Variants in CELF1 observed in about 807,000 individuals in gnomAD.
CELF1 encodes the protein 50 kDa nuclear polyadenylated RNA-binding protein.
CELF1 carries 10 observed loss-of-function variants against 61.8 expected under a neutral mutation model. The ratio of observed to expected loss-of-function variants is 0.16; its 90% CI spans 0.10 to 0.27. The LOEUF (loss-of-function observed/expected upper bound fraction) is 0.27, where lower values mean the gene tolerates loss of function less well. Ranked by LOEUF, CELF1 falls within the 10% of genes least tolerant of loss-of-function variation. The pLI is 1.00. For missense variants in CELF1, 380 were observed against 639.1 expected (o/e 0.59, Z 4.37); for synonymous variants, 236 against 225.1 (o/e 1.05, Z -0.43).
intron 1 of CELF1, among the ~76,000 whole-genome samples, chr11:47,511,585 C>T (rs758037146): frequency 1.1e-4 from 17 of 152,138 alleles, no homozygotes; most frequent in Admixed American, 1.3e-4. Context: ...AATGTCTAGA[C>T]ATTTGTAAAG....
At chr11:47,535,078 C>G (rs2096594677) in intron 1 of CELF1, among the ~76,000 whole-genome samples, 1 of 152,002 alleles carries the variant, frequency 6.6e-6, no homozygotes, top group South Asian at 2.1e-4. Flanking sequence ...CAAACTTATA[C>G]CAGACAAATG....
At chr11:47,552,584 C>T (rs1352742305) in intron 1 of CELF1, among the ~76,000 whole-genome samples, 2 of 152,306 alleles carry the variant, frequency 1.3e-5, no homozygotes, top group East Asian at 1.9e-4. Context: ...ACACGTGAGA[C>T]GACAGGGGCA....
rs144616048 is a variant in CELF1, at chr11:47,479,109, T to C, written c.769-157A>G. Among the ~76,000 whole-genome samples the C allele has an allele frequency of 3.4e-3, 514 of 151,880 alleles. 9 individuals are homozygous for C. The highest frequency in any genetic ancestry group is 0.021 in the East Asian group (108 of 5,164). ...AGCCAACACAACAGAAACATGAGGC[T>C]TATGACAGCACAGGACAAAAAAAAA... On this transcript the variant is annotated intron_variant, in intron 9 of 14. Coordinates refer to ENST00000687097, the MANE Select transcript of CELF1 (RefSeq NM_001376376.1).
chr11:47,489,960 C>CGG (rs1310116354), intron 3 of CELF1, among the ~76,000 whole-genome samples: 11 of 6,236 alleles, frequency 1.8e-3, no homozygotes, highest in Non-Finnish European at 3.2e-3. Flanking sequence ...TTTTTTGAGA[C>CGG]GGAATTTCAC....
Position 47,471,059 on chromosome 11 carries a change from C to T in CELF1, c.*1171G>A, listed in dbSNP as rs1357467789. 1 of 152,140 alleles carries T rather than the reference C, an allele frequency of 6.6e-6. No individual in the cohort carries two copies. The highest frequency in any genetic ancestry group is 1.5e-5 in the Non-Finnish European group (1 of 68,040). 9.4% of individuals were successfully genotyped at this position (152,140 alleles called of 1,614,324 possible). The stretch of plus-strand genomic sequence containing the variant: ...TGGTTACAGGAGGGGCCTGCCAGAC[C>T]CCTGTGGGAATACTACATCTGGGAC... On this transcript the variant is annotated 3_prime_UTR_variant, in exon 15 of 15. Coordinates refer to ENST00000687097, the MANE Select transcript of CELF1 (RefSeq NM_001376376.1).
chr11:47,481,850 T>C (rs936657453), intron 9 of CELF1, among the ~76,000 whole-genome samples: 2 of 152,244 alleles, frequency 1.3e-5, no homozygotes, highest in Non-Finnish European at 2.9e-5. Context: ...GAAGTCTATT[T>C]ACAATGTAGT....
At chr11:47,545,997 G>A (rs1355197409) in intron 1 of CELF1, among the ~76,000 whole-genome samples, 2 of 150,186 alleles carry the variant, frequency 1.3e-5, no homozygotes, top group Admixed American at 6.7e-5. Context: ...TGCAAGCTCC[G>A]CCTCCCGGGT....
intron 1 of CELF1, among the ~76,000 whole-genome samples, chr11:47,504,902 C>CAAAAAAAAAAAAA (rs374401044): frequency 9.3e-6 from 1 of 107,932 alleles, no homozygotes; most frequent in African/African-American, 3.6e-5. Flanking sequence ...ACTCTGTCAC[C>CAAAAAAAAAAAAA]AAAAAAAAAA....
intron 1 of CELF1, among the ~76,000 whole-genome samples, chr11:47,539,922 T>C (rs761107298): frequency 1.3e-5 from 2 of 152,268 alleles, no homozygotes; most frequent in Non-Finnish European, 2.9e-5. Flanking sequence ...TCTGATTTTA[T>C]GTCCTGAGTT....
chr11:47,553,008 G>C lies in CELF1; in HGVS notation c.-170C>G. On this transcript the variant is annotated 5_prime_UTR_variant, in exon 1 of 15. Coordinates refer to ENST00000687097, the MANE Select transcript of CELF1 (RefSeq NM_001376376.1). ...AGCACTCACCAGCGGCTGCACCTGA[G>C]CCTGCCGCTGCCTCAGTTGCTGCCT... The C allele has an allele frequency of 2.5e-6, 1 of 395,540 alleles. No individual in the cohort carries two copies. 24.5% of individuals were successfully genotyped at this position (395,540 alleles called of 1,614,324 possible).
In CELF1 at chr11:47,472,179, T is replaced by G; in HGVS notation, c.*51A>C. 1 of 1,604,164 alleles carries G rather than the reference T, an allele frequency of 6.2e-7. No homozygotes were observed. Among genetic ancestry groups the G allele is most frequent in the Non-Finnish European group, 8.5e-7 (1 of 1,173,370 alleles). ...GGCTTCGAATCATTAAGGGTGCTCC[T>G]CCCCCACTTACCAGAAGACCCTCTC... On this transcript the variant is annotated 3_prime_UTR_variant, in exon 15 of 15. Transcript: ENST00000687097.
chr11:47,509,650 G>A (rs1206477287), intron 1 of CELF1, among the ~76,000 whole-genome samples: 1 of 152,142 alleles, frequency 6.6e-6, no homozygotes, highest in Non-Finnish European at 1.5e-5. Context: ...CAGCACTTTG[G>A]GAGGCCGAGG....
At position 47,482,848 on chromosome 11, in the gene CELF1, T is replaced by C. The variant is rs371730601; in HGVS notation, c.615A>G (p.Ser205=). The C allele has an allele frequency of 3.1e-6, 5 of 1,613,636 alleles. No individual in the cohort carries two copies. The highest frequency in any genetic ancestry group is 4.2e-6 in the Non-Finnish European group (5 of 1,179,840). The change falls in exon 9 of 15, where the codon TCA becomes TCG. Residue 205 remains serine (S), a synonymous_variant. Coordinates refer to ENST00000687097, the MANE Select transcript of CELF1 (RefSeq NM_001376376.1). ...CAGCAAATTTTACCACCATGGGTGA[T>C]GAGCAACCCTGTGAAAAGACCATAA... is the stretch of plus-strand genomic sequence containing the variant. ...MHQAQTMEGC[S]SPMVVKFADT... is the part of the protein sequence containing the mutation.
At chr11:47,547,026 C>T (rs936448846) in intron 1 of CELF1, among the ~76,000 whole-genome samples, 4 of 112,768 alleles carry the variant, frequency 3.5e-5, no homozygotes, top group Non-Finnish European at 6.6e-5. Context: ...AAGATCATGC[C>T]ATTACTTTAG....
intron 2 of CELF1, 128 bp from the exon 3 acceptor site, chr11:47,499,732 C>T: frequency 3.5e-6 from 2 of 568,410 alleles, no homozygotes; most frequent in South Asian, 4.2e-5. Flanking sequence ...GGGATGTGAC[C>T]ATGTGAAGGG....
At chr11:47,552,244 A>AC (rs1200194306) in intron 1 of CELF1, among the ~76,000 whole-genome samples, 1 of 152,190 alleles carries the variant, frequency 6.6e-6, no homozygotes, top group Non-Finnish European at 1.5e-5. Context: ...ATGAGCCTAA[A>AC]CCAATGAGAA....
chr11:47,560,740 A>G (rs2097222367), intron 2 of CELF1, among the ~76,000 whole-genome samples: 1 of 152,248 alleles, frequency 6.6e-6, no homozygotes, highest in South Asian at 2.1e-4. Flanking sequence ...ATACCTCAAT[A>G]AAGCTGTTCC....
intron 1 of CELF1, among the ~76,000 whole-genome samples, chr11:47,531,269 A>C (rs545684512): frequency 1.3e-5 from 2 of 148,868 alleles, no homozygotes; most frequent in East Asian, 3.9e-4. Flanking sequence ...CAACAACAAA[A>C]AACAAAAAAA....
At chr11:47,522,446 G>A (rs995246361) in intron 1 of CELF1, among the ~76,000 whole-genome samples, 39 of 151,972 alleles carry the variant, frequency 2.6e-4, no homozygotes, top group Middle Eastern at 6.8e-3. Context: ...GGAGAACCCG[G>A]GAGGCAGAGG....
Sources: allele counts gnomAD v4.1 joint callset (sites outside exome capture counted in the v4.1 genomes callset), GRCh38; gene constraint gnomAD v4.1.1; transcripts MANE v1.5; gene names NCBI Gene and HGNC (gene_info 2026-07-23, HGNC 2026-07-21).